The following NPFFR2 variants were observed in gnomAD, a reference collection of about 807,000 sequenced individuals.
NPFFR2 encodes the protein neuropeptide FF receptor 2.
Under a neutral mutation model 13.1 loss-of-function variants are expected in NPFFR2, and 15 were observed. That is an observed-to-expected ratio of 1.15 (90% CI 0.77 to 1.76). The LOEUF is 1.76. Ranked by LOEUF, NPFFR2 falls within the 40% of genes most tolerant of loss-of-function variation. The pLI is 0.00. For synonymous variants in NPFFR2, 190 were observed against 175.7 expected (o/e 1.08, Z -0.65); for missense variants, 572 against 503.5 (o/e 1.14, Z -1.30).
chr4:72,131,278 C>A (rs958661955), intron 2 of NPFFR2, among the ~76,000 whole-genome samples: 9 of 151,850 alleles, frequency 5.9e-5, no homozygotes, highest in Non-Finnish European at 1.2e-4. Context: ...GGACTGCGCC[C>A]TTTTCTAACT....
chr4:72,127,585 G>A (rs1444958693), intron 1 of NPFFR2, among the ~76,000 whole-genome samples: 9 of 148,496 alleles, frequency 6.1e-5, no homozygotes, highest in Non-Finnish European at 1.2e-4. Context: ...GGATGGTCTC[G>A]ATCTCCTGAC....
At chr4:72,079,910 G>GA (rs1015008750) in intron 1 of NPFFR2, among the ~76,000 whole-genome samples, 17 of 152,090 alleles carry the variant, frequency 1.1e-4, no homozygotes, top group African/African-American at 3.6e-4. Context: ...GAGGAAAACA[G>GA]AAAAAAATAC....
chr4:72,066,486 C>T (rs1720075890), intron 1 of NPFFR2, among the ~76,000 whole-genome samples: 1 of 152,106 alleles, frequency 6.6e-6, no homozygotes. Flanking sequence ...AGTCCAAAGT[C>T]TCATTTAAAT....
At chr4:72,079,260 TAAAA>T (rs955000233) in intron 1 of NPFFR2, among the ~76,000 whole-genome samples, 1 of 151,794 alleles carries the variant, frequency 6.6e-6, no homozygotes, top group Admixed American at 6.6e-5. Flanking sequence ...AATAAAATGT[TAAAA>T]AAAAGCAGGA....
rs1720737276 is a variant in NPFFR2 at position 72,085,345 on chromosome 4, G to A, written c.-7-43240G>A. ...TCTTCAGCTGTGAAGGACAAGGGAA[G>A]AAAGTCTTTTGAGACAAAGGGCTCG... On this transcript the variant is annotated intron_variant, in intron 1 of 3. Transcript: ENST00000308744. Among the ~76,000 whole-genome samples the A allele has an allele frequency of 2.0e-5, 3 of 152,144 alleles. No homozygotes were observed. The East Asian group carries it at 5.8e-4, about 29-fold the overall frequency.
At chr4:72,115,858 G>A (rs1038565626) in intron 1 of NPFFR2, among the ~76,000 whole-genome samples, 1 of 152,116 alleles carries the variant, frequency 6.6e-6, no homozygotes, top group East Asian at 1.9e-4. Flanking sequence ...CTTCATAAAA[G>A]GTATTGTTGC....
At chr4:72,054,716 A>G (rs982261148) in intron 1 of NPFFR2, among the ~76,000 whole-genome samples, 1 of 151,926 alleles carries the variant, frequency 6.6e-6, no homozygotes, top group Non-Finnish European at 1.5e-5. Context: ...AGAATGGGAG[A>G]AAATGTTTTG....
At chr4:72,081,721 G>T (rs1020713415) in intron 1 of NPFFR2, among the ~76,000 whole-genome samples, 4 of 151,870 alleles carry the variant, frequency 2.6e-5, no homozygotes, top group African/African-American at 9.7e-5. Flanking sequence ...GAGCCTCTGG[G>T]CTCAAGCAGT....
intron 1 of NPFFR2, among the ~76,000 whole-genome samples, chr4:72,121,199 GA>G (rs1451905927): frequency 6.6e-6 from 1 of 151,948 alleles, no homozygotes; most frequent in African/African-American, 2.4e-5. Context: ...CAAGACTAGA[GA>G]AAAAAGAATG....
At chr4:72,034,207 AAC>A (rs1476932464) in intron 1 of NPFFR2, among the ~76,000 whole-genome samples, 3 of 152,200 alleles carry the variant, frequency 2.0e-5, no homozygotes, top group Non-Finnish European at 4.4e-5. Flanking sequence ...ACATTCCTAA[AAC>A]ACATCTGGAT....
intron 1 of NPFFR2, among the ~76,000 whole-genome samples, chr4:72,064,724 A>G (rs1238899418): frequency 2.0e-5 from 3 of 152,188 alleles, no homozygotes; most frequent in East Asian, 1.9e-4. Flanking sequence ...ATAAGGATAC[A>G]TGAAATTGAT....
intron 1 of NPFFR2, among the ~76,000 whole-genome samples, chr4:72,107,675 A>G (rs1721454240): frequency 2.0e-5 from 3 of 151,946 alleles, no homozygotes; most frequent in Non-Finnish European, 4.4e-5. Flanking sequence ...TATGCCCTAG[A>G]GGGTAAGGTA....
chr4:72,094,826 GGAAGTTCTCAGCTTTCCTGGTA>G (rs1721015776), intron 1 of NPFFR2, among the ~76,000 whole-genome samples: 1 of 152,202 alleles, frequency 6.6e-6, no homozygotes, highest in Non-Finnish European at 1.5e-5. Flanking sequence ...AAAAGTCTGT[GGAAGTTCTCAGCTTTCCTGGTA>G]TGTTCCTGCC....
intron 1 of NPFFR2, among the ~76,000 whole-genome samples, chr4:72,049,576 A>G (rs1178316579): frequency 2.6e-5 from 4 of 151,982 alleles, no homozygotes; most frequent in Non-Finnish European, 5.9e-5. Context: ...AACTTTAAAA[A>G]CCTGTTATAA....
chr4:72,117,311 C>T (rs1721742217), intron 1 of NPFFR2, among the ~76,000 whole-genome samples: 1 of 152,094 alleles, frequency 6.6e-6, no homozygotes, highest in Non-Finnish European at 1.5e-5. Flanking sequence ...CCTAATTATC[C>T]TCATTTTTAC....
intron 1 of NPFFR2, among the ~76,000 whole-genome samples, chr4:72,089,232 G>A (rs113060401): frequency 0.029 from 4,439 of 152,168 alleles, 178 homozygotes; most frequent in African/African-American, 0.09. Context: ...ATTGTTGATT[G>A]ATGGGCATTT....
At chr4:72,090,176 G>C (rs1203828336) in intron 1 of NPFFR2, among the ~76,000 whole-genome samples, 1 of 152,058 alleles carries the variant, frequency 6.6e-6, no homozygotes, top group Non-Finnish European at 1.5e-5. Flanking sequence ...CTGTTCCATT[G>C]GTCTATTGCC....
intron 1 of NPFFR2, among the ~76,000 whole-genome samples, chr4:72,089,226 T>C (rs1336679236): frequency 6.6e-6 from 1 of 152,138 alleles, no homozygotes; most frequent in East Asian, 1.9e-4. Flanking sequence ...TATCCAATTG[T>C]TGATTGATGG....
At chr4:72,137,733 G>A (rs1286114771) in intron 2 of NPFFR2, among the ~76,000 whole-genome samples, 5 of 152,012 alleles carry the variant, frequency 3.3e-5, no homozygotes, top group East Asian at 1.9e-4. Flanking sequence ...TTGTTACCTC[G>A]TCTATATTGT....
Sources: gnomAD v4.1 joint callset for allele counts (sites outside exome capture counted in the v4.1 genomes callset) on GRCh38, gnomAD v4.1.1 for gene constraint, MANE v1.5 for transcripts, NCBI Gene and HGNC (gene_info 2026-07-23, HGNC 2026-07-21) for gene names.